MMP16: variants seen among roughly 807,000 people sequenced by gnomAD.
MMP16 encodes matrix metalloproteinase-16.
A neutral mutation model predicts 67.8 loss-of-function variants in MMP16; 12 were observed. The ratio of observed to expected loss-of-function variants is 0.18; its 90% CI spans 0.11 to 0.29. The LOEUF is 0.29. MMP16 is among the 10% of genes least tolerant of loss of function. The pLI, the probability that MMP16 is intolerant of heterozygous loss-of-function variation, is 1.00. For synonymous variants in MMP16, 249 were observed against 255.9 expected (o/e 0.97, Z 0.26); for missense variants, 475 against 765.7 (o/e 0.62, Z 4.48).
At chr8:88,255,630 T>C (rs1810289030) in intron 1 of MMP16, among the ~76,000 whole-genome samples, 2 of 152,220 alleles carry the variant, frequency 1.3e-5, no homozygotes, top group Non-Finnish European at 2.9e-5. Flanking sequence ...AGTAAAACCG[T>C]TGCCTCTTTA....
chr8:88,278,209 T>A (rs1309324329), intron 1 of MMP16, among the ~76,000 whole-genome samples: 4 of 152,208 alleles, frequency 2.6e-5, no homozygotes, highest in Non-Finnish European at 5.9e-5. Context: ...TGTTCTAATA[T>A]CTTTGTTTAA....
chr8:88,160,138 C>T (rs1354438601), intron 4 of MMP16, among the ~76,000 whole-genome samples: 5 of 151,884 alleles, frequency 3.3e-5, no homozygotes, highest in African/African-American at 1.2e-4. Context: ...AATCCCACAA[C>T]AGTTCCCAGA....
intron 1 of MMP16, among the ~76,000 whole-genome samples, chr8:88,232,420 C>T (rs1004138158): frequency 6.6e-6 from 1 of 152,102 alleles, no homozygotes; most frequent in Non-Finnish European, 1.5e-5. Context: ...ACACTTACTA[C>T]ATACTAAATA....
chr8:88,149,304 A>C (rs1211154272), intron 4 of MMP16, among the ~76,000 whole-genome samples: 1 of 152,348 alleles, frequency 6.6e-6, no homozygotes, highest in East Asian at 1.9e-4. Flanking sequence ...GCCATTGCCC[A>C]GGCTTGCTTA....
chr8:88,296,573 AC>A (rs932162797), intron 1 of MMP16, among the ~76,000 whole-genome samples: 73 of 152,218 alleles, frequency 4.8e-4, no homozygotes, highest in Middle Eastern at 6.8e-3. Context: ...GGTGGCTCAT[AC>A]CTGTAATCCC....
intron 1 of MMP16, among the ~76,000 whole-genome samples, chr8:88,210,935 A>T (rs75634650): frequency 2.0e-5 from 3 of 152,288 alleles, no homozygotes; most frequent in African/African-American, 7.2e-5. Context: ...TATAATTATC[A>T]CAACAAGCCT....
At chr8:88,222,811 A>T (rs1327453277) in intron 1 of MMP16, among the ~76,000 whole-genome samples, 2 of 152,218 alleles carry the variant, frequency 1.3e-5, no homozygotes, top group Non-Finnish European at 2.9e-5. Context: ...TAAAACACCA[A>T]AAGCAATGGC....
chr8:88,105,850 G>A (rs1809228756), intron 6 of MMP16, among the ~76,000 whole-genome samples: 1 of 150,690 alleles, frequency 6.6e-6, no homozygotes. Context: ...TTGATTAAAT[G>A]TTCAGTGAAA....
intron 1 of MMP16, among the ~76,000 whole-genome samples, chr8:88,243,402 G>T (rs1230434854): frequency 6.6e-6 from 1 of 152,154 alleles, no homozygotes; most frequent in African/African-American, 2.4e-5. Flanking sequence ...GGCAACGCCA[G>T]CTCCTGGTCC....
chr8:88,076,353 A>T (rs1276758624), intron 6 of MMP16, among the ~76,000 whole-genome samples: 1 of 152,172 alleles, frequency 6.6e-6, no homozygotes, highest in African/African-American at 2.4e-5. Flanking sequence ...TGTTAAAATT[A>T]TATTGAAACG....
At chr8:88,259,616 A>G (rs1810356128) in intron 1 of MMP16, among the ~76,000 whole-genome samples, 1 of 152,116 alleles carries the variant, frequency 6.6e-6, no homozygotes, top group Non-Finnish European at 1.5e-5. Context: ...TAAAAAAAAG[A>G]AAGGAAAGAG....
intron 4 of MMP16, among the ~76,000 whole-genome samples, chr8:88,133,981 G>A (rs2118482283): frequency 6.6e-6 from 1 of 151,740 alleles, no homozygotes; most frequent in African/African-American, 2.4e-5. Context: ...GTTTTCTGTT[G>A]TAAATAAAAT....
intron 6 of MMP16, among the ~76,000 whole-genome samples, chr8:88,113,073 T>C (rs567279175): frequency 1.3e-5 from 2 of 151,994 alleles, no homozygotes; most frequent in East Asian, 3.9e-4. Flanking sequence ...ACAGTTTGAT[T>C]ATGCATTTCT....
chr8:88,051,796 A>G (rs1198960641), intron 8 of MMP16, among the ~76,000 whole-genome samples: 1 of 152,132 alleles, frequency 6.6e-6, no homozygotes, highest in Non-Finnish European at 1.5e-5. Context: ...GCTTCTTATG[A>G]AATATGGCAA....
At chr8:88,154,611 G>A (rs1050037660) in intron 4 of MMP16, among the ~76,000 whole-genome samples, 23 of 151,102 alleles carry the variant, frequency 1.5e-4, no homozygotes, top group African/African-American at 4.4e-4. Flanking sequence ...GTTAACTATC[G>A]CAAGAACAAA....
At chr8:88,284,183 G>A (rs1048734448) in intron 1 of MMP16, among the ~76,000 whole-genome samples, 3 of 152,158 alleles carry the variant, frequency 2.0e-5, no homozygotes, top group Admixed American at 1.3e-4. Flanking sequence ...CAGCAGCACA[G>A]TACTATTAAT....
At chr8:88,074,549 G>A in intron 7 of MMP16, 56 bp downstream of exon 7, 1 of 1,535,466 alleles carries the variant, frequency 6.5e-7, no homozygotes, top group Non-Finnish European at 8.9e-7. Context: ...TGCACCACAG[G>A]GTCCTATACA....
intron 2 of MMP16, among the ~76,000 whole-genome samples, chr8:88,192,054 A>G (rs1215727539): frequency 1.3e-5 from 2 of 152,202 alleles, no homozygotes; most frequent in Non-Finnish European, 2.9e-5. Flanking sequence ...ATACTTTCAC[A>G]AGTTTTAGTT....
rs1046461282 is a variant in MMP16 at position 88,137,742 on chromosome 8, T to A, written c.710-18881A>T. 3.3e-5 allele frequency among the ~76,000 whole-genome samples: 5 copies of A among 152,060 alleles called. No individual in the cohort carries two copies. In the East Asian group the frequency reaches 7.8e-4, roughly 24 times the overall value. ...ATAGGTGTTAGATGTTTTTTCATTG[T>A]GTCCTATATGCATGTCTCTACTCAT... On this transcript the variant is annotated intron_variant, in intron 4 of 9. Coordinates refer to ENST00000286614, the MANE Select transcript of MMP16 (RefSeq NM_005941.5).
Sources: allele counts gnomAD v4.1 joint callset (sites outside exome capture counted in the v4.1 genomes callset), GRCh38; gene constraint gnomAD v4.1.1; transcripts MANE v1.5; gene names NCBI Gene and HGNC (gene_info 2026-07-23, HGNC 2026-07-21).